ZBTB20: variants seen among roughly 807,000 people sequenced by gnomAD.
ZBTB20 encodes the protein zinc finger and BTB domain-containing protein 20.
A neutral mutation model predicts 56.9 loss-of-function variants in ZBTB20; 9 were observed. The observed-to-expected ratio is 0.16, with a 90% CI of 0.10 to 0.28. The LOEUF is 0.28. Ranked by LOEUF, ZBTB20 falls within the 10% of genes least tolerant of loss-of-function variation. The pLI is 1.00. For missense variants in ZBTB20, 655 were observed against 1,003.0 expected, an observed-to-expected ratio of 0.65 and a Z score of 4.69; for synonymous variants, 417 against 420.7, an observed-to-expected ratio of 0.99 and a Z score of 0.11.
chr3:114,577,913 C>G (rs1259588140), intron 6 of ZBTB20, among the ~76,000 whole-genome samples: 1 of 152,040 alleles, frequency 6.6e-6, no homozygotes, highest in African/African-American at 2.4e-5. Context: ...ACGAAACAAA[C>G]AAAACAAAAC....
At chr3:114,516,563 A>G (rs180862953) in intron 6 of ZBTB20, among the ~76,000 whole-genome samples, 20 of 152,320 alleles carry the variant, frequency 1.3e-4, no homozygotes, top group Admixed American at 6.5e-4. Flanking sequence ...CTTAAAATTC[A>G]TATGTTGACA....
chr3:114,820,342 T>C (rs2073168452), intron 4 of ZBTB20, among the ~76,000 whole-genome samples: 2 of 151,990 alleles, frequency 1.3e-5, no homozygotes, highest in Non-Finnish European at 2.9e-5. Context: ...AAGAGATCAC[T>C]ATACAGACTA....
chr3:114,412,248 G>T (rs886428000), intron 7 of ZBTB20, among the ~76,000 whole-genome samples: 1 of 152,044 alleles, frequency 6.6e-6, no homozygotes, highest in African/African-American at 2.4e-5. Context: ...CCATAAAATG[G>T]GAACATGAAC....
At chr3:114,453,017 T>C (rs1427438618) in intron 7 of ZBTB20, among the ~76,000 whole-genome samples, 1 of 152,130 alleles carries the variant, frequency 6.6e-6, no homozygotes, top group Non-Finnish European at 1.5e-5. Flanking sequence ...GATATTAGCA[T>C]AAAGATATAA....
intron 2 of ZBTB20, among the ~76,000 whole-genome samples, chr3:115,000,151 A>T (rs1189392604): frequency 6.6e-6 from 1 of 151,626 alleles, no homozygotes; most frequent in Non-Finnish European, 1.5e-5. Flanking sequence ...ACTGTTATCA[A>T]ATAGTTGCTC....
At chr3:114,688,703 A>G (rs2062505439) in intron 6 of ZBTB20, among the ~76,000 whole-genome samples, 1 of 152,212 alleles carries the variant, frequency 6.6e-6, no homozygotes, top group South Asian at 2.1e-4. Flanking sequence ...GAAATAGTTA[A>G]GGGCTAAAGT....
At chr3:114,541,065 T>G (rs1475187762) in intron 6 of ZBTB20, among the ~76,000 whole-genome samples, 2 of 152,084 alleles carry the variant, frequency 1.3e-5, no homozygotes, top group Non-Finnish European at 2.9e-5. Flanking sequence ...GACCATACAT[T>G]AGCAGATTTA....
chr3:114,652,568 T>C (rs1318990886), intron 6 of ZBTB20, among the ~76,000 whole-genome samples: 2 of 152,038 alleles, frequency 1.3e-5, no homozygotes, highest in East Asian at 1.9e-4. Flanking sequence ...CCTTAGAAGA[T>C]ACTGATCCAA....
chr3:115,112,187 ATAAAG>A (rs1263281138), intron 1 of ZBTB20, among the ~76,000 whole-genome samples: 2 of 151,266 alleles, frequency 1.3e-5, no homozygotes, highest in African/African-American at 4.9e-5. Context: ...TTTAAATGAC[ATAAAG>A]TATTTATACA....
intron 4 of ZBTB20, among the ~76,000 whole-genome samples, chr3:114,843,841 T>C (rs1368852351): frequency 7.1e-5 from 2 of 28,238 alleles, no homozygotes; most frequent in African/African-American, 1.2e-4. Context: ...CACACCCGGC[T>C]AATTTTTTTT....
At chr3:115,045,235 T>C (rs574648745) in intron 2 of ZBTB20, among the ~76,000 whole-genome samples, 7 of 152,190 alleles carry the variant, frequency 4.6e-5, no homozygotes, top group Non-Finnish European at 8.8e-5. Flanking sequence ...AATTTCTCTA[T>C]ATCTAATGCC....
rs1160844267 is a variant in ZBTB20, at chr3:114,938,735, T to A, written c.-456+35631A>T. 2.1e-5 allele frequency among the ~76,000 whole-genome samples: 3 copies of A among 145,448 alleles called. 1 individual carries two copies. The South Asian group carries it at 6.5e-4, about 31-fold the overall frequency. ...ATACCTAATGTAGATGACAGGTTGA[T>A]GGGTGCAGCAAACCACCATGGCACA... is the stretch of plus-strand genomic sequence containing the variant. On this transcript the variant is annotated intron_variant, in intron 3 of 11. Coordinates refer to ENST00000675478, the MANE Select transcript of ZBTB20 (RefSeq NM_001348800.3).
chr3:114,626,446 TTTGA>T (rs1278057477), intron 6 of ZBTB20, among the ~76,000 whole-genome samples: 3 of 152,300 alleles, frequency 2.0e-5, no homozygotes, highest in East Asian at 3.9e-4. Flanking sequence ...ATTCATATTA[TTTGA>T]TTATCATATC....
rs1049377415 is a variant in ZBTB20 at position 114,337,345 on chromosome 3, C to T, written c.*1660G>A. On this transcript the variant is annotated 3_prime_UTR_variant, in exon 12 of 12. Coordinates refer to ENST00000675478, the MANE Select transcript of ZBTB20 (RefSeq NM_001348800.3). ...TGGCAGAGTTTTGTGAACTCCTCTTCCTGGCTGATCACAAAAGAAAAGACC... is the reference window on the plus strand; with the variant it reads ...TGGCAGAGTTTTGTGAACTCCTCTTTCTGGCTGATCACAAAAGAAAAGACC... The T allele has an allele frequency of 6.6e-6, 1 of 152,132 alleles. No individual in the cohort carries two copies. The highest frequency in any genetic ancestry group is 1.5e-5 in the Non-Finnish European group (1 of 68,036). 9.4% of individuals were successfully genotyped at this position (152,132 alleles called of 1,614,324 possible).
At chr3:114,776,237 TG>T (rs1220527852) in intron 5 of ZBTB20, among the ~76,000 whole-genome samples, 1 of 151,372 alleles carries the variant, frequency 6.6e-6, no homozygotes, top group Non-Finnish European at 1.5e-5. Context: ...TTCTAACTCT[TG>T]GAGTCTGAAT....
chr3:114,658,566 G>T (rs1281635582), intron 6 of ZBTB20: 9 of 152,038 alleles, frequency 5.9e-5, no homozygotes, highest in African/African-American at 2.2e-4. Flanking sequence ...ACCTATTAAT[G>T]TTCTTTCCCA....
intron 2 of ZBTB20, among the ~76,000 whole-genome samples, chr3:114,999,071 CAGAGG>C (rs1396941590): frequency 1.6e-5 from 2 of 121,814 alleles, no homozygotes; most frequent in African/African-American, 3.3e-5. Flanking sequence ...GAGAGGAGAG[CAGAGG>C]AGAGGAGAGG....
intron 5 of ZBTB20, among the ~76,000 whole-genome samples, chr3:114,737,673 G>C (rs2066276453): frequency 6.6e-6 from 1 of 152,072 alleles, no homozygotes; most frequent in South Asian, 2.1e-4. Context: ...TACATTTCAT[G>C]AAACAAATGA....
chr3:114,855,267 C>T (rs557161995), intron 4 of ZBTB20, among the ~76,000 whole-genome samples: 1 of 152,272 alleles, frequency 6.6e-6, no homozygotes, highest in South Asian at 2.1e-4. Context: ...GGTCTTCAAA[C>T]TACTAGTATA....
Sources: allele counts gnomAD v4.1 joint callset (sites outside exome capture counted in the v4.1 genomes callset), GRCh38; gene constraint gnomAD v4.1.1; transcripts MANE v1.5; gene names NCBI Gene and HGNC (gene_info 2026-07-23, HGNC 2026-07-21).